FHIT: variants seen among roughly 807,000 people sequenced by gnomAD.
FHIT encodes the protein bis(5'-adenosyl)-triphosphatase.
FHIT carries 19 observed loss-of-function variants against 17.9 expected under a neutral mutation model. The ratio of observed to expected loss-of-function variants is 1.06; its 90% CI spans 0.74 to 1.56. FHIT has a LOEUF of 1.56. Among genes scored for constraint, FHIT ranks in the 40% most tolerant of loss-of-function variants. The pLI is 0.00. For synonymous variants in FHIT, 81 were observed against 69.7 expected (o/e 1.16, Z -0.81); for missense variants, 248 against 189.2 (o/e 1.31, Z -1.82).
chr3:60,126,363 T>G (rs1218857774), intron 5 of FHIT, among the ~76,000 whole-genome samples: 1 of 152,170 alleles, frequency 6.6e-6, no homozygotes, highest in Non-Finnish European at 1.5e-5. Flanking sequence ...GCAGCCTCAG[T>G]TGAGTGTACC....
At chr3:60,838,467 G>C (rs896777962) in intron 3 of FHIT, among the ~76,000 whole-genome samples, 1 of 152,062 alleles carries the variant, frequency 6.6e-6, no homozygotes, top group African/African-American at 2.4e-5. Context: ...GCAAGACTCC[G>C]TCTCAAAAAC....
At chr3:60,283,871 GT>G in intron 5 of FHIT, among the ~76,000 whole-genome samples, 1 of 152,138 alleles carries the variant, frequency 6.6e-6, no homozygotes, top group East Asian at 1.9e-4. Flanking sequence ...AATAAAAGAA[GT>G]TTCTAGGGCA....
chr3:61,232,414 T>C (rs2040129192), intron 1 of FHIT, among the ~76,000 whole-genome samples: 3 of 152,048 alleles, frequency 2.0e-5, no homozygotes, highest in African/African-American at 7.2e-5. Flanking sequence ...ACGTATTCCA[T>C]AAACATACAA....
intron 5 of FHIT, among the ~76,000 whole-genome samples, chr3:60,276,103 T>G (rs191384495): frequency 6.6e-6 from 1 of 151,910 alleles, no homozygotes; most frequent in African/African-American, 2.4e-5. Flanking sequence ...TTCTCCTGCC[T>G]CAGCCTCCTG....
intron 2 of FHIT, among the ~76,000 whole-genome samples, chr3:61,047,103 C>T (rs2033826920): frequency 1.3e-5 from 2 of 151,706 alleles, no homozygotes; most frequent in Non-Finnish European, 3.0e-5. Context: ...TGCCCTCTTT[C>T]ACCAATCCTG....
At chr3:60,664,555 T>A (rs1259561034) in intron 4 of FHIT, among the ~76,000 whole-genome samples, 1 of 151,956 alleles carries the variant, frequency 6.6e-6, no homozygotes, top group Non-Finnish European at 1.5e-5. Context: ...AAAATTGGCA[T>A]TATTTTTTTT....
chr3:59,827,907 C>T (rs940721241), intron 8 of FHIT, among the ~76,000 whole-genome samples: 18 of 152,298 alleles, frequency 1.2e-4, no homozygotes, highest in African/African-American at 4.3e-4. Flanking sequence ...TGGAATCCAT[C>T]GTTCTCTGCA....
At chr3:60,711,545 T>C (rs1374159805) in intron 4 of FHIT, among the ~76,000 whole-genome samples, 5 of 152,076 alleles carry the variant, frequency 3.3e-5, no homozygotes, top group Non-Finnish European at 7.4e-5. Flanking sequence ...TAGACAAATG[T>C]ATAACTAGAA....
chr3:59,875,260 C>T (rs186469609), intron 8 of FHIT, among the ~76,000 whole-genome samples: 34 of 152,314 alleles, frequency 2.2e-4, no homozygotes, highest in African/African-American at 6.3e-4. Flanking sequence ...GCAATCTACA[C>T]GCTGGTTGAC....
At chr3:61,011,712 T>C (rs1319598729) in intron 3 of FHIT, among the ~76,000 whole-genome samples, 1 of 152,184 alleles carries the variant, frequency 6.6e-6, no homozygotes, top group Non-Finnish European at 1.5e-5. Flanking sequence ...AGATCTCGCC[T>C]TTTCATCTGC....
chr3:59,791,802 C>G (rs1389855071), intron 8 of FHIT, among the ~76,000 whole-genome samples: 1 of 152,134 alleles, frequency 6.6e-6, no homozygotes, highest in African/African-American at 2.4e-5. Flanking sequence ...GGCTATGTAT[C>G]TTTTGGATCA....
intron 5 of FHIT, among the ~76,000 whole-genome samples, chr3:60,328,913 A>G (rs1170148135): frequency 6.6e-6 from 1 of 152,220 alleles, no homozygotes; most frequent in African/African-American, 2.4e-5. Context: ...ATAAGGTAAC[A>G]CACTGATGGA....
At chr3:60,334,210 T>C (rs956915776) in intron 5 of FHIT, among the ~76,000 whole-genome samples, 2 of 152,210 alleles carry the variant, frequency 1.3e-5, no homozygotes, top group Non-Finnish European at 2.9e-5. Flanking sequence ...TGTATAGTTA[T>C]ATGCTGAGCC....
At chr3:60,506,433 T>G (rs2034733292) in intron 5 of FHIT, among the ~76,000 whole-genome samples, 2 of 152,212 alleles carry the variant, frequency 1.3e-5, no homozygotes, top group Admixed American at 6.5e-5. Context: ...TTAGAGTCAG[T>G]ACACAAGGCA....
rs371249162 is a variant in FHIT, at chr3:60,211,727, G to C, written c.104-197575C>G. ...ATCATTAAGTGCTGAGGTTTTGTTG[G>C]GGAAGGAGAGTATGGTTGAAATGAA... On this transcript the variant is annotated intron_variant, in intron 5 of 9. Transcript: ENST00000492590. 2.6e-5 allele frequency among the ~76,000 whole-genome samples: 4 copies of C among 152,178 alleles called. No individual in the cohort carries two copies. In the East Asian group the frequency reaches 5.8e-4, roughly 22 times the overall value.
intron 2 of FHIT, among the ~76,000 whole-genome samples, chr3:61,134,785 G>A (rs1440580025): frequency 2.0e-5 from 3 of 152,130 alleles, no homozygotes; most frequent in Middle Eastern, 3.2e-3. Context: ...ACCAGCAAGA[G>A]GCTGGTTTGG....
At chr3:59,875,408 T>C (rs1315390710) in intron 8 of FHIT, among the ~76,000 whole-genome samples, 5 of 152,206 alleles carry the variant, frequency 3.3e-5, no homozygotes, top group African/African-American at 1.2e-4. Context: ...CAGAGAAGTG[T>C]GGGCGAAGCC....
intron 2 of FHIT, among the ~76,000 whole-genome samples, chr3:61,142,114 TAAAA>T (rs71629119): frequency 1.3e-5 from 2 of 150,554 alleles, no homozygotes; most frequent in African/African-American, 2.4e-5. Context: ...TGCTTTCTCT[TAAAA>T]AAAATTTTTT....
chr3:60,184,321 C>T (rs962879117), intron 5 of FHIT, among the ~76,000 whole-genome samples: 4 of 152,036 alleles, frequency 2.6e-5, no homozygotes, highest in East Asian at 3.9e-4. Flanking sequence ...ACTCCAGGAC[C>T]CCATCCAAGA....
Sources: gnomAD v4.1 joint callset for allele counts (sites outside exome capture counted in the v4.1 genomes callset) on GRCh38, gnomAD v4.1.1 for gene constraint, MANE v1.5 for transcripts, NCBI Gene and HGNC (gene_info 2026-07-23, HGNC 2026-07-21) for gene names.